The following MACROD2 variants were observed in gnomAD, a reference collection of about 807,000 sequenced individuals.
MACROD2 encodes the protein mono-ADP ribosylhydrolase 2.
MACROD2 carries 36 observed loss-of-function variants against 70.4 expected under a neutral mutation model. The observed-to-expected ratio is 0.51, with a 90% confidence interval of 0.39 to 0.68. MACROD2 has a LOEUF of 0.68. Among genes scored for constraint, MACROD2 ranks in the 30% least tolerant of loss-of-function variants. MACROD2 has a pLI of 0.00. For missense variants in MACROD2, 496 were observed against 538.4 expected (o/e 0.92, Z 0.78); for synonymous variants, 172 against 178.8 (o/e 0.96, Z 0.30).
At chr20:15,749,654 G>A (rs994098398) in intron 8 of MACROD2, among the ~76,000 whole-genome samples, 1 of 151,958 alleles carries the variant, frequency 6.6e-6, no homozygotes, top group African/African-American at 2.4e-5. Flanking sequence ...TTCCCTGAAG[G>A]CTAAAGTTTG....
At chr20:15,771,577 C>T (rs1246512834) in intron 8 of MACROD2, among the ~76,000 whole-genome samples, 1 of 137,082 alleles carries the variant, frequency 7.3e-6, no homozygotes, top group Non-Finnish European at 1.7e-5. Context: ...AGCTTACTTT[C>T]TGTCTGTCTG....
intron 2 of MACROD2, among the ~76,000 whole-genome samples, chr20:14,059,864 A>G (rs2053672555): frequency 6.6e-6 from 1 of 152,204 alleles, no homozygotes; most frequent in South Asian, 2.1e-4. Flanking sequence ...CACTTTAGGT[A>G]GGATAATGAG....
chr20:14,228,172 T>TAGAG (rs58319730), intron 3 of MACROD2, among the ~76,000 whole-genome samples: 18 of 151,140 alleles, frequency 1.2e-4, no homozygotes, highest in African/African-American at 4.4e-4. Context: ...TGTATATATA[T>TAGAG]AGAGAGAGAG....
At chr20:14,091,562 G>GTA (rs965566265) in intron 3 of MACROD2, among the ~76,000 whole-genome samples, 5 of 151,830 alleles carry the variant, frequency 3.3e-5, no homozygotes, top group African/African-American at 4.8e-5. Context: ...TCCACACTGT[G>GTA]TATATATATA....
intron 8 of MACROD2, among the ~76,000 whole-genome samples, chr20:15,739,335 T>C (rs1462903475): frequency 6.6e-6 from 1 of 152,154 alleles, no homozygotes; most frequent in East Asian, 1.9e-4. Flanking sequence ...ACATGAGAGA[T>C]AGGGGTTCAA....
rs373166521 is a variant in MACROD2 at position 14,401,084 on chromosome 20, C to T, written c.272-92395C>T. Among the ~76,000 whole-genome samples the T allele has an allele frequency of 4.5e-4, 68 of 152,238 alleles. No homozygotes were observed. In the Middle Eastern group the frequency reaches 0.01, roughly 23 times the overall value. ...CCTAATTCTATCAAAAACTAATTTT[C>T]GTGTTCTTCAAATCAATTAATCATT... On this transcript the variant is annotated intron_variant, in intron 3 of 17. Coordinates refer to ENST00000684519, the MANE Select transcript of MACROD2 (RefSeq NM_001351661.2).
intron 3 of MACROD2, among the ~76,000 whole-genome samples, chr20:14,479,611 T>C (rs2084639355): frequency 6.6e-6 from 1 of 152,156 alleles, no homozygotes; most frequent in Admixed American, 6.5e-5. Context: ...AGTTCTCCTT[T>C]GGTTGCCTCT....
intron 15 of MACROD2, among the ~76,000 whole-genome samples, chr20:15,990,990 A>G (rs769526312): frequency 2.0e-5 from 3 of 152,218 alleles, no homozygotes; most frequent in Non-Finnish European, 4.4e-5. Context: ...AGCTGAAATC[A>G]TAGGTTTTCC....
chr20:14,192,639 G>A (rs1041656966), intron 3 of MACROD2, among the ~76,000 whole-genome samples: 4 of 152,220 alleles, frequency 2.6e-5, no homozygotes, highest in Non-Finnish European at 5.9e-5. Flanking sequence ...GTGACATAGT[G>A]AAGTGCCCAA....
intron 6 of MACROD2, among the ~76,000 whole-genome samples, chr20:15,397,223 G>T (rs547264097): frequency 3.3e-5 from 5 of 152,180 alleles, no homozygotes; most frequent in Non-Finnish European, 5.9e-5. Flanking sequence ...CCACCATATG[G>T]CATGTCCTTA....
chr20:15,169,223 G>A (rs561330936), intron 5 of MACROD2, among the ~76,000 whole-genome samples: 100 of 152,250 alleles, frequency 6.6e-4, no homozygotes, highest in African/African-American at 2.2e-3. Flanking sequence ...AGTAGCTTGT[G>A]TTTGTATTTC....
chr20:14,083,121 TA>T (rs377207705), intron 2 of MACROD2, among the ~76,000 whole-genome samples: 123,014 of 136,556 alleles, frequency 0.9, 55,350 homozygotes, highest in Middle Eastern at 0.97. Context: ...GTCACCTTTG[TA>T]AAAAAAAAAA....
At chr20:15,369,783 C>A (rs2045465815) in intron 6 of MACROD2, among the ~76,000 whole-genome samples, 1 of 152,016 alleles carries the variant, frequency 6.6e-6, no homozygotes, top group African/African-American at 2.4e-5. Flanking sequence ...TAATTAGATC[C>A]CAGTAGACTG....
intron 8 of MACROD2, among the ~76,000 whole-genome samples, chr20:15,833,239 A>G (rs1011897517): frequency 5.8e-4 from 88 of 152,206 alleles, no homozygotes; most frequent in Admixed American, 4.9e-3. Flanking sequence ...CCCTCAAATG[A>G]GAATAATGTC....
chr20:15,487,808 G>A (rs1374721756), intron 7 of MACROD2, among the ~76,000 whole-genome samples: 2 of 152,216 alleles, frequency 1.3e-5, no homozygotes, highest in African/African-American at 4.8e-5. Flanking sequence ...CAGGCCTTCA[G>A]GGGGCTTGAC....
intron 3 of MACROD2, among the ~76,000 whole-genome samples, chr20:14,088,489 CT>C (rs10709776): frequency 0.99 from 151,290 of 152,262 alleles, 75,169 homozygotes; most frequent in East Asian, 1. Context: ...TATAAATACA[CT>C]TATCAGCCTT....
chr20:15,878,877 A>C (rs1305646114), intron 9 of MACROD2, among the ~76,000 whole-genome samples: 1 of 152,134 alleles, frequency 6.6e-6, no homozygotes, highest in Non-Finnish European at 1.5e-5. Flanking sequence ...TTCATGAGAA[A>C]CTAGTTGGTT....
chr20:15,797,073 C>G (rs1343000202), intron 8 of MACROD2, among the ~76,000 whole-genome samples: 1 of 152,080 alleles, frequency 6.6e-6, no homozygotes, highest in Admixed American at 6.6e-5. Flanking sequence ...TCATTTTCTT[C>G]TAGCAACCTG....
chr20:15,825,744 G>A (rs1258428626), intron 8 of MACROD2, among the ~76,000 whole-genome samples: 1 of 152,122 alleles, frequency 6.6e-6, no homozygotes, highest in African/African-American at 2.4e-5. Context: ...CTGATTTTCT[G>A]AGGATTAGCT....
Sources: gnomAD v4.1 joint callset for allele counts (sites outside exome capture counted in the v4.1 genomes callset) on GRCh38, gnomAD v4.1.1 for gene constraint, MANE v1.5 for transcripts, NCBI Gene and HGNC (gene_info 2026-07-23, HGNC 2026-07-21) for gene names.